RASAL3: variants seen among roughly 807,000 people sequenced by gnomAD.
RASAL3 encodes the protein RAS protein activator like-3.
RASAL3 carries 74 observed loss-of-function variants against 105.5 expected under a neutral mutation model. The observed-to-expected ratio is 0.70, with a 90% CI of 0.58 to 0.85. The LOEUF is 0.85. Among genes scored for constraint, RASAL3 ranks in the 40% least tolerant of loss-of-function variants. The probability of loss-of-function intolerance (pLI) is 0.00; values close to 1 mark genes in which losing one functional copy is unlikely to be tolerated. For synonymous variants in RASAL3, 579 were observed against 591.6 expected (o/e 0.98, Z 0.31); for missense variants, 1,352 against 1,392.0 (o/e 0.97, Z 0.46).
intron 11 of RASAL3, 75 bp from the exon 12 acceptor site, chr19:15,454,968 T>G (rs958588728): frequency 8.8e-7 from 1 of 1,142,686 alleles, no homozygotes; most frequent in African/African-American, 1.6e-5. Context: ...AGGTTGGGAG[T>G]CCCAGAAGCA....
rs1456418946 is a variant in RASAL3, at chr19:15,456,424, G to A, written c.1576+78C>T. 1.9e-6 allele frequency: 3 copies of A among 1,568,960 alleles called. No individual in the cohort carries two copies. Among genetic ancestry groups the A allele is most frequent in the East Asian group, 4.6e-5 (2 of 43,578 alleles). Reference sequence around the variant, plus strand: ...ACCACTCACTACCAGAATCCAGGTTGCTCAAGGACTCTTAGAACTTCACCC... The same window carrying A: ...ACCACTCACTACCAGAATCCAGGTTACTCAAGGACTCTTAGAACTTCACCC... On this transcript the variant is annotated intron_variant, in intron 10 of 17. Transcript: ENST00000343625. This position sits in a 1 kb window ranked among gnomAD's most constrained non-coding sequence, Gnocchi z 4.4.
chr19:15,457,023 A>G lies in RASAL3; in HGVS notation c.1431+269T>C, dbSNP rs939178247. On this transcript the variant is annotated intron_variant, in intron 9 of 17. Transcript: ENST00000343625. The surrounding 1 kb of genome is among the most constrained non-coding windows in gnomAD (Gnocchi z 8.6). ...GCCCCGCCCCTTACAGGTGCAGCTCAGCCCCAGCCCCTCACAGCTGACGCT... is the reference window on the plus strand; with the variant it reads ...GCCCCGCCCCTTACAGGTGCAGCTCGGCCCCAGCCCCTCACAGCTGACGCT... The G allele has an allele frequency of 1.6e-4, 65 of 416,544 alleles. No homozygotes were observed. The highest frequency in any genetic ancestry group is 1.2e-3 in the African/African-American group (56 of 47,812). The allele number at this position is 416,544 out of a possible 1,614,324, so 25.8% of individuals were successfully genotyped here.
chr19:15,452,194 G>A (rs1970172412), intron 16 of RASAL3, 86 bp from the exon 17 acceptor site: 2 of 1,388,906 alleles, frequency 1.4e-6, no homozygotes, highest in African/African-American at 1.4e-5. Context: ...GACTCCGGGG[G>A]CGGAGCTTGG....
At chr19:15,462,516 G>GACAAA (rs1270772560) in intron 2 of RASAL3, among the ~76,000 whole-genome samples, 1 of 77,218 alleles carries the variant, frequency 1.3e-5, no homozygotes, top group African/African-American at 5.4e-5. Flanking sequence ...AACAAAATGG[G>GACAAA]AATATAAGCA....
chr19:15,454,238 G>T lies in RASAL3; in HGVS notation c.2190C>A (p.Pro730=). ...QTTRDTLEPL[P]TILRAIEEGQ... ...CCTCCTCAATGGCTCGCAGGATGGT[G>T]GGCAGTGGTTCCAGGGTGTCTCGGG... The change falls in exon 14 of 18, where the codon CCC becomes CCA. Residue 730 remains proline (P), a synonymous_variant. Transcript: ENST00000343625. 6.4e-7 allele frequency: 1 copy of T among 1,566,366 alleles called. No individual in the cohort carries two copies. Among genetic ancestry groups the T allele is most frequent in the Non-Finnish European group, 8.7e-7 (1 of 1,155,534 alleles).
chr19:15,455,607 C>G (rs574399736), intron 11 of RASAL3, among the ~76,000 whole-genome samples: 5 of 152,154 alleles, frequency 3.3e-5, no homozygotes, highest in Non-Finnish European at 7.4e-5. Flanking sequence ...ATGCAGCAAA[C>G]GAAACTTCAG....
intron 5 of RASAL3, among the ~76,000 whole-genome samples, 198 bp from the exon 6 acceptor site, chr19:15,460,456 C>T (rs186144481): frequency 4.6e-5 from 7 of 152,058 alleles, no homozygotes; most frequent in East Asian, 3.9e-4. Context: ...CTCGTGCTGT[C>T]GCCCAGGCTG....
rs1434137033 is a variant in RASAL3, at chr19:15,452,706, T to A, written c.2780A>T (p.Glu927Val). The A allele has an allele frequency of 1.9e-6, 3 of 1,552,908 alleles. No individual in the cohort carries two copies. Among genetic ancestry groups the A allele is most frequent in the Non-Finnish European group, 1.7e-6 (2 of 1,148,062 alleles). Reference protein sequence around the residue: ...TQIRALTEQQEQLRGQLQDLD... With the variant: ...TQIRALTEQQVQLRGQLQDLD... ...ATCCTGCAGCTGGCCCCGCAGCTGCTCCTGCTGCTCCGTCAAGGCCCGGAT... is the reference window on the plus strand; with the variant it reads ...ATCCTGCAGCTGGCCCCGCAGCTGCACCTGCTGCTCCGTCAAGGCCCGGAT... Residue 927 changes from glutamate to valine, a missense_variant, in exon 16 of 18, where the codon GAG (glutamate) becomes GTG (valine). By Grantham distance (121) the Glu-to-Val change is moderately radical. Coordinates refer to ENST00000343625, the MANE Select transcript of RASAL3 (RefSeq NM_022904.3).
At position 15,456,490 on chromosome 19, in the gene RASAL3, C is replaced by A; in HGVS notation, c.1576+12G>T. 1.9e-6 allele frequency: 3 copies of A among 1,613,168 alleles called. No individual in the cohort carries two copies. Among genetic ancestry groups the A allele is most frequent in the Non-Finnish European group, 2.5e-6 (3 of 1,179,576 alleles). ...CCAGCAGGCCGCTGACATGGACTCTCCCCCAGCTCACCCAGGGTCTCCTGG... is the reference window on the plus strand; with the variant it reads ...CCAGCAGGCCGCTGACATGGACTCTACCCCAGCTCACCCAGGGTCTCCTGG... On this transcript the variant is annotated intron_variant, in intron 10 of 17. Coordinates refer to ENST00000343625, the MANE Select transcript of RASAL3 (RefSeq NM_022904.3). The surrounding 1 kb of genome is among the most constrained non-coding windows in gnomAD (Gnocchi z 4.4).
At chr19:15,452,383 T>G in intron 16 of RASAL3, 1 of 589,276 alleles carries the variant, frequency 1.7e-6, no homozygotes, top group Admixed American at 3.0e-5. Flanking sequence ...GGCTGAGATA[T>G]CTCAGTGCCC....
rs1407181391 is a variant in RASAL3, at chr19:15,461,246, G to A, written c.516C>T (p.His172=). Reference sequence around the variant, plus strand: ...GATCCCTGAAGTTCCCCATGGCCACGTGGATGCTGCCCTCGGAGCTAGCAC... The same window carrying A: ...GATCCCTGAAGTTCCCCATGGCCACATGGATGCTGCCCTCGGAGCTAGCAC... ...VGSASSEGSI[H]VAMGNFRDPD... Residue 172 remains histidine, a synonymous_variant, in exon 4 of 18, where the codon CAC becomes CAT. Transcript: ENST00000343625. 6.2e-7 allele frequency: 1 copy of A among 1,613,714 alleles called. No homozygotes were observed. Among genetic ancestry groups the A allele is most frequent in the East Asian group, 2.2e-5 (1 of 44,880 alleles).
rs767191164 is a variant in RASAL3 at position 15,457,930 on chromosome 19, T to C, written c.889-96A>G. 10 of 1,406,286 alleles carry C rather than the reference T, an allele frequency of 7.1e-6. No individual in the cohort carries two copies. The Admixed American group carries it at 8.7e-5, about 12-fold the overall frequency. 87.1% of individuals were successfully genotyped at this position (1,406,286 alleles called of 1,614,324 possible). A position where few individuals can be genotyped will look rare whatever the true frequency, so the allele number is the denominator to read the frequency against. ...AGCGTGGAGCCTCAAACCTGTTGCG[T>C]CGGGTCCCTAGGGAGATTGCTGGGC... is the stretch of plus-strand genomic sequence containing the variant. On this transcript the variant is annotated intron_variant, in intron 8 of 17. Transcript: ENST00000343625. The surrounding 1 kb of genome is among the most constrained non-coding windows in gnomAD (Gnocchi z 8.6).
chr19:15,461,024 C>T (rs777944405), intron 5 of RASAL3, 36 bp downstream of exon 5: 57 of 1,604,018 alleles, frequency 3.6e-5, no homozygotes, highest in Non-Finnish European at 4.8e-5. Flanking sequence ...AGTCTTGGCT[C>T]TCCCCTCTAC....
In RASAL3 at chr19:15,456,097, T is replaced by C. The variant is rs1970306415; in HGVS notation, c.1721+7A>G. Reference sequence around the variant, plus strand: ...GTGGGCTAAGCTGCTGGGGCCCTGATTCTCACTCGTAGGAATGGATAATGG... The same window carrying C: ...GTGGGCTAAGCTGCTGGGGCCCTGACTCTCACTCGTAGGAATGGATAATGG... On this transcript the variant is annotated splice_region_variant and intron_variant, in intron 11 of 17. Coordinates refer to ENST00000343625, the MANE Select transcript of RASAL3 (RefSeq NM_022904.3). The surrounding 1 kb of genome is among the most constrained non-coding windows in gnomAD (Gnocchi z 4.4). The C allele has an allele frequency of 6.2e-7, 1 of 1,612,050 alleles. No individual in the cohort carries two copies. Among genetic ancestry groups the C allele is most frequent in the Admixed American group, 1.7e-5 (1 of 59,928 alleles).
Position 15,456,188 on chromosome 19 carries a change from C to T in RASAL3, c.1637G>A (p.Cys546Tyr). Residue 546 changes from cysteine (C) to tyrosine (Y), a missense_variant, in exon 11 of 18, where the codon TGT (cysteine) becomes TAT (tyrosine). Coordinates refer to ENST00000343625, the MANE Select transcript of RASAL3 (RefSeq NM_022904.3). The surrounding 1 kb of genome is among the most constrained non-coding windows in gnomAD (Gnocchi z 4.4). ...TEDCEVDPSK[C>Y]PASELPEHQA... is the part of the protein sequence containing the mutation. ...GTGCTCTGGCAGCTCCGAGGCTGGA[C>T]ATTTGCTGGGGTCCACTTCACAGTC... The T allele has an allele frequency of 6.2e-7, 1 of 1,613,824 alleles. No individual in the cohort carries two copies. Among genetic ancestry groups the T allele is most frequent in the South Asian group, 1.1e-5 (1 of 91,078 alleles).
Position 15,458,664 on chromosome 19 carries a change from G to T in RASAL3, c.663-9C>A, listed in dbSNP as rs750237099. The T allele has an allele frequency of 9.9e-6, 16 of 1,611,688 alleles. No homozygotes were observed. In the East Asian group the frequency reaches 2.7e-4, roughly 27 times the overall value. On this transcript the variant is annotated splice_polypyrimidine_tract_variant and intron_variant, in intron 6 of 17. Transcript: ENST00000343625. Reference sequence around the variant, plus strand: ...CCAGAGCACTGGGGGGTCTGGGAAGGGGGTGGGTGAGCACACCGTCATTCC... The same window carrying T: ...CCAGAGCACTGGGGGGTCTGGGAAGTGGGTGGGTGAGCACACCGTCATTCC...
chr19:15,452,414 G>T (rs935566244), intron 16 of RASAL3: 6 of 593,564 alleles, frequency 1.0e-5, no homozygotes, highest in Non-Finnish European at 1.8e-5. Flanking sequence ...GGTTGGGAGG[G>T]GCTGATGGAG....
chr19:15,456,491 C>T lies in RASAL3; in HGVS notation c.1576+11G>A, dbSNP rs796495874. ...CAGCAGGCCGCTGACATGGACTCTC[C>T]CCCAGCTCACCCAGGGTCTCCTGGA... On this transcript the variant is annotated intron_variant, in intron 10 of 17. Transcript: ENST00000343625. The surrounding 1 kb of genome is among the most constrained non-coding windows in gnomAD (Gnocchi z 4.4). The T allele has an allele frequency of 2.5e-6, 4 of 1,613,232 alleles. No homozygotes were observed. The highest frequency in any genetic ancestry group is 2.5e-6 in the Non-Finnish European group (3 of 1,179,636).
In RASAL3 at chr19:15,461,524, C is replaced by G; in HGVS notation, c.412G>C (p.Gly138Arg). 1 of 1,543,726 alleles carries G rather than the reference C, an allele frequency of 6.5e-7. No homozygotes were observed. Among genetic ancestry groups the G allele is most frequent in the Non-Finnish European group, 8.7e-7 (1 of 1,145,290 alleles). ...PTPNVPVWDI[G>R]GFTLLDGKLV... The stretch of plus-strand genomic sequence containing the variant: ...TTCCCATCAAGCAGGGTGAAGCCCC[C>G]AATGTCCCAGACAGGCACGTTGGGT... Residue 138 changes from glycine (G) to arginine (R), a missense_variant, in exon 3 of 18, where the codon GGG (glycine) becomes CGG (arginine). Transcript: ENST00000343625.
Sources: gnomAD v4.1 joint callset for allele counts (sites outside exome capture counted in the v4.1 genomes callset) on GRCh38, gnomAD v4.1.1 for gene constraint, Gnocchi (gnomAD v3.1) non-coding constraint, MANE v1.5 for transcripts, NCBI Gene and HGNC (gene_info 2026-07-23, HGNC 2026-07-21) for gene names.